Variants in SNTG1 observed in about 807,000 individuals in gnomAD.
SNTG1 encodes the protein syntrophin gamma 1.
Under a neutral mutation model 74.7 loss-of-function variants are expected in SNTG1, and 39 were observed. The observed-to-expected ratio is 0.52, with a 90% CI of 0.40 to 0.68. SNTG1 has a LOEUF of 0.68. Ranked by LOEUF, SNTG1 falls within the 30% of genes least tolerant of loss-of-function variation. The pLI, the probability that SNTG1 is intolerant of heterozygous loss-of-function variation, is 0.00. For synonymous variants in SNTG1, 254 were observed against 217.1 expected (o/e 1.17, Z -1.49); for missense variants, 685 against 609.5 (o/e 1.12, Z -1.30).
chr8:49,979,359 A>T (rs983796059), intron 1 of SNTG1, among the ~76,000 whole-genome samples: 1 of 152,182 alleles, frequency 6.6e-6, no homozygotes, highest in South Asian at 2.1e-4. Flanking sequence ...TCAGCAGGCG[A>T]GGGTCTGTCC....
chr8:50,786,321 T>A (rs1306487170), intron 18 of SNTG1, among the ~76,000 whole-genome samples: 1 of 151,932 alleles, frequency 6.6e-6, no homozygotes, highest in Non-Finnish European at 1.5e-5. Flanking sequence ...GAAGTGCAAA[T>A]ATTGTGTACT....
chr8:49,954,443 AGAG>A (rs1283707041), intron 1 of SNTG1, among the ~76,000 whole-genome samples: 6 of 152,186 alleles, frequency 3.9e-5, no homozygotes, highest in African/African-American at 1.2e-4. Context: ...GCTGCTATTT[AGAG>A]GAGAAAGGTG....
At chr8:50,087,692 C>A (rs909259294) in intron 1 of SNTG1, among the ~76,000 whole-genome samples, 15 of 151,980 alleles carry the variant, frequency 9.9e-5, no homozygotes, top group Admixed American at 2.6e-4. Flanking sequence ...GTGTTATTAA[C>A]CTTTAAATGT....
chr8:50,560,154 C>A (rs1471608751), intron 12 of SNTG1, among the ~76,000 whole-genome samples: 3 of 152,070 alleles, frequency 2.0e-5, no homozygotes, highest in Non-Finnish European at 4.4e-5. Flanking sequence ...AAATGCAAAT[C>A]AAAACCACAG....
At chr8:50,286,067 C>T (rs1460492927) in intron 2 of SNTG1, among the ~76,000 whole-genome samples, 4 of 151,932 alleles carry the variant, frequency 2.6e-5, no homozygotes, top group East Asian at 1.9e-4. Context: ...CATGTTTTGG[C>T]GTTTTTTCTC....
At chr8:50,227,500 TCC>T (rs1388640770) in intron 2 of SNTG1, among the ~76,000 whole-genome samples, 2 of 152,154 alleles carry the variant, frequency 1.3e-5, no homozygotes, top group Non-Finnish European at 2.9e-5. Flanking sequence ...CCTTTAGCTT[TCC>T]TGCATCACCT....
intron 2 of SNTG1, among the ~76,000 whole-genome samples, chr8:50,370,227 A>T (rs1260207855): frequency 6.6e-6 from 1 of 152,184 alleles, no homozygotes; most frequent in African/African-American, 2.4e-5. Flanking sequence ...TGGGCGTGCT[A>T]TGAAGGAGCT....
intron 2 of SNTG1, among the ~76,000 whole-genome samples, chr8:50,336,187 CT>C: frequency 6.6e-6 from 1 of 152,284 alleles, no homozygotes; most frequent in South Asian, 2.1e-4. Flanking sequence ...TGTAATTTCT[CT>C]TAATGTTCCA....
chr8:50,762,444 C>T (rs2095601657), intron 18 of SNTG1: 3 of 281,966 alleles, frequency 1.1e-5, no homozygotes, highest in Admixed American at 3.8e-5. Flanking sequence ...ACATAAAAAA[C>T]TCACGGGACA....
chr8:50,689,477 A>G (rs9773607), intron 15 of SNTG1, among the ~76,000 whole-genome samples: 142,953 of 152,138 alleles, frequency 0.94, 67,207 homozygotes, highest in East Asian at 1. Context: ...AATTTTGTCA[A>G]AGGCCTTTTC....
chr8:50,442,043 C>T (rs750114908), intron 5 of SNTG1, among the ~76,000 whole-genome samples: 83 of 152,258 alleles, frequency 5.5e-4, no homozygotes, highest in East Asian at 9.7e-4. Context: ...CCAGCTTTAG[C>T]GCATGCTGCA....
chr8:49,930,996 A>G (rs111314899), intron 1 of SNTG1, among the ~76,000 whole-genome samples: 1 of 152,212 alleles, frequency 6.6e-6, no homozygotes, highest in African/African-American at 2.4e-5. Context: ...GCCTACCTAA[A>G]GCAATAAGAA....
rs573200330 is a variant in SNTG1, at chr8:50,738,029, A to G, written c.1285-13972A>G. Among the ~76,000 whole-genome samples, 517 of 152,228 alleles carry G rather than the reference A, an allele frequency of 3.4e-3. 4 individuals are homozygous for G. Among genetic ancestry groups the G allele is most frequent in the Non-Finnish European group, 5.4e-3 (365 of 68,002 alleles). ...TAGGATGCCATCTCTCACCACTCCA[A>G]TTCAAGATAGTATTGGAAGTTCTGG... On this transcript the variant is annotated intron_variant, in intron 17 of 18. Transcript: ENST00000642720.
chr8:49,923,383 A>C (rs1166684695), intron 1 of SNTG1, among the ~76,000 whole-genome samples: 3 of 152,178 alleles, frequency 2.0e-5, no homozygotes, highest in African/African-American at 4.8e-5. Context: ...AATGAAGCCT[A>C]GAAATTATTT....
intron 2 of SNTG1, among the ~76,000 whole-genome samples, chr8:50,333,999 C>T (rs539327879): frequency 5.3e-5 from 8 of 152,250 alleles, no homozygotes; most frequent in Admixed American, 6.5e-5. Context: ...CGGGTTCAAG[C>T]GATTCTCCTG....
chr8:50,050,767 A>G (rs1819503073), intron 1 of SNTG1, among the ~76,000 whole-genome samples: 1 of 152,086 alleles, frequency 6.6e-6, no homozygotes, highest in Non-Finnish European at 1.5e-5. Flanking sequence ...TCCCATATCA[A>G]TGTAAACACA....
In SNTG1 at chr8:50,508,539, G is replaced by A. The variant is rs1363115893; in HGVS notation, c.466+5659G>A. Among the ~76,000 whole-genome samples the A allele has an allele frequency of 1.3e-5, 2 of 152,056 alleles. 1 individual carries two copies. Among genetic ancestry groups the A allele is most frequent in the Non-Finnish European group, 2.9e-5 (2 of 67,998 alleles). On this transcript the variant is annotated intron_variant, in intron 9 of 18. Coordinates refer to ENST00000642720, the MANE Select transcript of SNTG1 (RefSeq NM_018967.5). ...TGAACTAGTTTACAGTCCCACCAAC[G>A]ATGTAAAGTTTTCCTATTTCTCCAC...
chr8:50,629,589 T>C (rs1219775222), intron 13 of SNTG1, among the ~76,000 whole-genome samples: 1 of 152,036 alleles, frequency 6.6e-6, no homozygotes, highest in African/African-American at 2.4e-5. Flanking sequence ...GGAGGTTATT[T>C]AAGTGTGTCC....
At position 50,707,542 on chromosome 8, in the gene SNTG1, G is replaced by T. The variant is rs1050439094; in HGVS notation, c.1192-1344G>T. Among the ~76,000 whole-genome samples, 3 of 152,020 alleles carry T rather than the reference G, an allele frequency of 2.0e-5. 1 individual carries two copies. Among genetic ancestry groups the T allele is most frequent in the South Asian group, 4.1e-4 (2 of 4,822 alleles). ...GCTAATAAGGCTTAAACACATGAATGTAATTTTTGGTGAAGGCAACTCGAT... is the reference window on the plus strand; with the variant it reads ...GCTAATAAGGCTTAAACACATGAATTTAATTTTTGGTGAAGGCAACTCGAT... On this transcript the variant is annotated intron_variant, in intron 16 of 18. Transcript: ENST00000642720.
Sources: allele counts gnomAD v4.1 joint callset (sites outside exome capture counted in the v4.1 genomes callset), GRCh38; gene constraint gnomAD v4.1.1; transcripts MANE v1.5; gene names NCBI Gene and HGNC (gene_info 2026-07-23, HGNC 2026-07-21).